The following ADGRL2 variants were observed in gnomAD, a reference collection of about 807,000 sequenced individuals.
ADGRL2 encodes the protein calcium-independent alpha-latrotoxin receptor 2.
ADGRL2 carries 44 observed loss-of-function variants against 157.4 expected under a neutral mutation model. The observed-to-expected ratio is 0.28, with a 90% CI of 0.22 to 0.36. The LOEUF (loss-of-function observed/expected upper bound fraction) is 0.36. Ranked by LOEUF, ADGRL2 falls within the 10% of genes least tolerant of loss-of-function variation. The pLI is 1.00. For synonymous variants in ADGRL2, 585 were observed against 624.7 expected, an observed-to-expected ratio of 0.94 and a Z score of 0.95; for missense variants, 1,510 against 1,768.9, an observed-to-expected ratio of 0.85 and a Z score of 2.63.
At chr1:81,695,393 A>G (rs2083422231), upstream of ADGRL2, among the ~76,000 whole-genome samples, 1 of 152,184 alleles carries the variant, frequency 6.6e-6, no homozygotes, top group South Asian at 2.1e-4. Flanking sequence ...TTTCTTTTCT[A>G]AAGATACTTT....
intron 1 of ADGRL2, among the ~76,000 whole-genome samples, chr1:81,702,414 A>G (rs1222756746): frequency 6.6e-6 from 1 of 152,194 alleles, no homozygotes; most frequent in East Asian, 1.9e-4. Flanking sequence ...CTTCCACTTC[A>G]CTTTCAGAGT....
intron 2 of ADGRL2, among the ~76,000 whole-genome samples, chr1:81,892,799 C>A (rs2094298352): frequency 1.3e-5 from 2 of 151,992 alleles, no homozygotes; most frequent in South Asian, 4.1e-4. Flanking sequence ...AAATATTGTT[C>A]TTTTGATTTT....
chr1:81,359,240 G>A (rs1557625810), intron 1 of ADGRL2, among the ~76,000 whole-genome samples: 1 of 152,018 alleles, frequency 6.6e-6, no homozygotes, highest in Non-Finnish European at 1.5e-5. Context: ...AGCCTAATAC[G>A]TATATTTGAT....
intron 4 of ADGRL2, 146 bp downstream of exon 4, chr1:81,936,983 C>A: frequency 1.8e-6 from 1 of 551,118 alleles, no homozygotes; most frequent in African/African-American, 1.9e-5. Flanking sequence ...CTCCAATTAA[C>A]TTCATGAAGT....
At chr1:81,372,792 T>C (rs1200197434) in intron 1 of ADGRL2, among the ~76,000 whole-genome samples, 1 of 152,228 alleles carries the variant, frequency 6.6e-6, no homozygotes, top group Non-Finnish European at 1.5e-5. Flanking sequence ...CTTATATGTC[T>C]GACCCAGGCA....
chr1:81,434,738 A>G (rs2077380275), intron 1 of ADGRL2, among the ~76,000 whole-genome samples: 1 of 152,146 alleles, frequency 6.6e-6, no homozygotes, highest in African/African-American at 2.4e-5. Flanking sequence ...CTGTCTGGGG[A>G]AGCACAAAAT....
intron 3 of ADGRL2, among the ~76,000 whole-genome samples, chr1:81,923,409 A>G (rs1197543187): frequency 6.6e-6 from 1 of 152,208 alleles, no homozygotes; most frequent in African/African-American, 2.4e-5. Context: ...AACCACAAGT[A>G]GCCATCTCTT....
chr1:81,378,494 A>T (rs10874227), intron 1 of ADGRL2, among the ~76,000 whole-genome samples: 86,582 of 150,608 alleles, frequency 0.57, 25,726 homozygotes, highest in East Asian at 0.94. Context: ...CAGGAGTTCC[A>T]GACTGCAGTG....
intron 1 of ADGRL2, among the ~76,000 whole-genome samples, chr1:81,739,569 C>G (rs1186531548): frequency 6.6e-6 from 1 of 152,162 alleles, no homozygotes; most frequent in African/African-American, 2.4e-5. Context: ...TCTACCCCAG[C>G]CTTATCCTAT....
At chr1:81,878,658 G>C (rs994160346) in intron 2 of ADGRL2, among the ~76,000 whole-genome samples, 3 of 152,166 alleles carry the variant, frequency 2.0e-5, no homozygotes, top group Non-Finnish European at 2.9e-5. Flanking sequence ...GTGCCAGAGA[G>C]AGATGTTGTA....
intron 2 of ADGRL2, among the ~76,000 whole-genome samples, chr1:81,838,003 C>G (rs890881658): frequency 1.3e-5 from 2 of 151,840 alleles, no homozygotes; most frequent in South Asian, 2.1e-4. Context: ...AATTCCAATT[C>G]TTGAAAAAAT....
chr1:81,982,456 GT>G (rs1267323820), intron 19 of ADGRL2, among the ~76,000 whole-genome samples: 1 of 151,834 alleles, frequency 6.6e-6, no homozygotes, highest in East Asian at 1.9e-4. Flanking sequence ...CTTACTTACT[GT>G]TTTTTCCTGA....
chr1:81,405,505 G>A (rs1194902006), intron 1 of ADGRL2, among the ~76,000 whole-genome samples: 2 of 151,798 alleles, frequency 1.3e-5, no homozygotes, highest in African/African-American at 4.8e-5. Flanking sequence ...TTAAAAATTA[G>A]CCATGGGGGT....
intron 2 of ADGRL2, among the ~76,000 whole-genome samples, chr1:81,489,539 A>G (rs190571893): frequency 4.5e-4 from 69 of 152,364 alleles, no homozygotes; most frequent in Non-Finnish European, 6.6e-4. Context: ...AGGAAAAAGA[A>G]GAAAGAATAT....
chr1:81,934,211 C>T (rs949771001), intron 3 of ADGRL2, among the ~76,000 whole-genome samples: 1 of 151,980 alleles, frequency 6.6e-6, no homozygotes, highest in Admixed American at 6.6e-5. Context: ...ATTGCTTTGA[C>T]ATTAATTTGA....
At chr1:81,672,069 C>T (rs1237196988) in intron 3 of ADGRL2, among the ~76,000 whole-genome samples, 2 of 152,186 alleles carry the variant, frequency 1.3e-5, no homozygotes, top group African/African-American at 4.8e-5. Flanking sequence ...TCCCAGACAA[C>T]AGCCTTTCAT....
intron 1 of ADGRL2, among the ~76,000 whole-genome samples, chr1:81,393,204 A>G (rs1459311651): frequency 6.6e-6 from 1 of 152,172 alleles, no homozygotes; most frequent in Non-Finnish European, 1.5e-5. Context: ...AAATTCTATT[A>G]GCAATTATAT....
At chr1:81,586,280 G>A (rs1048757277) in intron 3 of ADGRL2, 2 of 151,986 alleles carry the variant, frequency 1.3e-5, no homozygotes, top group Non-Finnish European at 2.9e-5. Context: ...AACAGAAGGG[G>A]ATAATCGGGC....
chr1:81,431,150 G>C (rs1398051853), intron 1 of ADGRL2, among the ~76,000 whole-genome samples: 1 of 152,116 alleles, frequency 6.6e-6, no homozygotes, highest in African/African-American at 2.4e-5. Flanking sequence ...TCTGTTCTCT[G>C]TCTCCTCCTA....
Sources: gnomAD v4.1 joint callset for allele counts (sites outside exome capture counted in the v4.1 genomes callset) on GRCh38, gnomAD v4.1.1 for gene constraint, MANE v1.5 for transcripts, NCBI Gene and HGNC (gene_info 2026-07-23, HGNC 2026-07-21) for gene names.